SLC2A14: variants seen among roughly 807,000 people sequenced by gnomAD.
SLC2A14 encodes solute carrier family 2 member 14, also known as solute carrier family 2, facilitated glucose transporter member 14.
A neutral mutation model predicts 43.0 loss-of-function variants in SLC2A14; 13 were observed. The observed-to-expected ratio is 0.30, with a 90% CI of 0.20 to 0.48. The LOEUF is 0.48. Ranked by LOEUF, SLC2A14 falls within the 20% of genes least tolerant of loss-of-function variation. The pLI, the probability that SLC2A14 is intolerant of heterozygous loss-of-function variation, is 0.99. For missense variants in SLC2A14, 428 were observed against 620.4 expected (o/e 0.69, Z 3.29); for synonymous variants, 190 against 233.8 (o/e 0.81, Z 1.71).
At chr12:7,852,184 T>C (rs1296532975) in intron 2 of SLC2A14, among the ~76,000 whole-genome samples, 1 of 152,074 alleles carries the variant, frequency 6.6e-6, no homozygotes, top group Non-Finnish European at 1.5e-5. Flanking sequence ...AACAAATGAA[T>C]AAACGTGGGG....
intron 7 of SLC2A14, among the ~76,000 whole-genome samples, chr12:7,824,399 G>T (rs1263961917): frequency 4.0e-4 from 61 of 151,986 alleles, no homozygotes; most frequent in Admixed American, 3.9e-3. Context: ...TTATCACAAT[G>T]TCTACACATC....
chr12:7,821,376 C>A, intron 7 of SLC2A14, 51 bp from the exon 8 acceptor site: 1 of 1,486,540 alleles, frequency 6.7e-7, no homozygotes, highest in South Asian at 1.1e-5. Flanking sequence ...ACACCACTTA[C>A]ACAGAACCCT....
chr12:7,869,434 C>G (rs1374450612), intron 2 of SLC2A14, among the ~76,000 whole-genome samples: 1 of 152,146 alleles, frequency 6.6e-6, no homozygotes, highest in Non-Finnish European at 1.5e-5. Flanking sequence ...TACAATGACT[C>G]AGTTACACTC....
At chr12:7,878,425 A>G (rs1945501814), upstream of SLC2A14, among the ~76,000 whole-genome samples, 1 of 151,634 alleles carries the variant, frequency 6.6e-6, no homozygotes, top group Non-Finnish European at 1.5e-5. Context: ...TGCCTAGCGA[A>G]TTTTTGTATT....
intron 2 of SLC2A14, chr12:7,839,924 CAAAAAAAAAAAAAAAAA>C (rs57569188): frequency 7.3e-5 from 12 of 165,014 alleles, no homozygotes; most frequent in East Asian, 1.5e-4. Flanking sequence ...CCTGTCTCTA[CAAAAAAAAAAAAAAAAA>C]AAAAAAAAAA....
intron 2 of SLC2A14, among the ~76,000 whole-genome samples, chr12:7,863,012 G>A (rs147936652): frequency 1.1e-4 from 16 of 152,246 alleles, no homozygotes; most frequent in Admixed American, 3.9e-4. Context: ...GCCCAAGCCC[G>A]CATTGGCAAC....
intron 2 of SLC2A14, among the ~76,000 whole-genome samples, chr12:7,867,344 A>G (rs1228432934): frequency 2.0e-5 from 3 of 151,788 alleles, no homozygotes; most frequent in Non-Finnish European, 4.4e-5. Flanking sequence ...CAAAATGTCA[A>G]CATTAACAGA....
chr12:7,875,242 TA>T (rs1945442808), upstream of SLC2A14, among the ~76,000 whole-genome samples: 3 of 36,742 alleles, frequency 8.2e-5, no homozygotes, highest in African/African-American at 2.3e-4. Context: ...TTTATATATT[TA>T]TATATATATA....
chr12:7,878,782 T>G (rs1415792695), intron 1 of SLC2A14, among the ~76,000 whole-genome samples: 2 of 151,094 alleles, frequency 1.3e-5, no homozygotes, highest in Non-Finnish European at 3.0e-5. Context: ...ATTGAGACCA[T>G]CCTGGCCAAC....
intron 8 of SLC2A14, 105 bp downstream of exon 8, chr12:7,821,116 C>T: frequency 1.2e-6 from 1 of 845,576 alleles, no homozygotes; most frequent in South Asian, 1.9e-5. Context: ...AAATAAATAA[C>T]AAAAAAGGTG....
chr12:7,816,400 G>A (rs1484172897), intron 10 of SLC2A14, among the ~76,000 whole-genome samples: 1 of 142,270 alleles, frequency 7.0e-6, no homozygotes, highest in South Asian at 2.4e-4. Flanking sequence ...CACCGCGCCC[G>A]GCCATTTCTT....
At chr12:7,882,558 G>A (rs1009545841) in intron 1 of SLC2A14, among the ~76,000 whole-genome samples, 12 of 151,952 alleles carry the variant, frequency 7.9e-5, no homozygotes, top group East Asian at 3.9e-4. Context: ...GGCTAGCGTC[G>A]GCAGTGGCTC....
At chr12:7,868,911 G>A (rs1009743971) in intron 2 of SLC2A14, among the ~76,000 whole-genome samples, 1 of 152,164 alleles carries the variant, frequency 6.6e-6, no homozygotes, top group South Asian at 2.1e-4. Context: ...TTGGGAGGCC[G>A]AGGCGGGCAG....
chr12:7,881,374 G>A (rs146209830), intron 1 of SLC2A14, among the ~76,000 whole-genome samples: 2 of 151,656 alleles, frequency 1.3e-5, no homozygotes, highest in African/African-American at 4.8e-5. Flanking sequence ...CACTCGGAGC[G>A]GCCGGCCGGC....
intron 2 of SLC2A14, among the ~76,000 whole-genome samples, chr12:7,868,138 C>T (rs1945026873): frequency 2.0e-5 from 3 of 152,104 alleles, no homozygotes; most frequent in Admixed American, 2.0e-4. Context: ...ACAGCCAACC[C>T]CAGCCTTTAG....
At chr12:7,836,768 G>A (rs889202606) in intron 2 of SLC2A14, among the ~76,000 whole-genome samples, 5 of 151,152 alleles carry the variant, frequency 3.3e-5, no homozygotes, top group African/African-American at 9.7e-5. Context: ...CCCGGGAGGC[G>A]GACATTACAG....
intron 5 of SLC2A14, 37 bp from the exon 6 acceptor site, chr12:7,828,903 A>C: frequency 6.3e-7 from 1 of 1,599,284 alleles, no homozygotes; most frequent in Non-Finnish European, 8.5e-7. Context: ...TAAACCCCAT[A>C]CTTCACAGGC....
chr12:7,885,138 A>C (rs1420313877), intron 1 of SLC2A14, among the ~76,000 whole-genome samples: 1 of 152,204 alleles, frequency 6.6e-6, no homozygotes, highest in African/African-American at 2.4e-5. Context: ...ACCATGAGTC[A>C]GAAATTTTTT....
chr12:7,821,435 C>A (rs1863900401), intron 7 of SLC2A14, 110 bp from the exon 8 acceptor site: 1 of 913,036 alleles, frequency 1.1e-6, no homozygotes, highest in Non-Finnish European at 1.7e-6. Flanking sequence ...GTAATCCCAG[C>A]ACTTTGGGAG....
Sources: allele counts gnomAD v4.1 joint callset (sites outside exome capture counted in the v4.1 genomes callset), GRCh38; gene constraint gnomAD v4.1.1; transcripts MANE v1.5; gene names NCBI Gene and HGNC (gene_info 2026-07-23, HGNC 2026-07-21).